WDR7: variants seen among roughly 807,000 people sequenced by gnomAD.
The protein encoded by WDR7 is WD repeat domain 7.
WDR7 carries 46 observed loss-of-function variants against 169.4 expected under a neutral mutation model. The observed-to-expected ratio is 0.27, with a 90% CI of 0.21 to 0.35. The LOEUF (loss-of-function observed/expected upper bound fraction) is 0.35. WDR7 is among the 10% of genes least tolerant of loss of function. The pLI is 1.00. For missense variants in WDR7, 1,534 were observed against 1,859.3 expected (o/e 0.83, Z 3.22); for synonymous variants, 612 against 666.8 (o/e 0.92, Z 1.27).
chr18:56,720,812 G>A (rs2026304973), intron 13 of WDR7, among the ~76,000 whole-genome samples: 1 of 151,986 alleles, frequency 6.6e-6, no homozygotes, highest in Admixed American at 6.6e-5. Flanking sequence ...AATACAGCAT[G>A]TAATATTGAA....
chr18:57,022,463 T>C (rs1480475703), intron 27 of WDR7, among the ~76,000 whole-genome samples: 2 of 152,186 alleles, frequency 1.3e-5, no homozygotes, highest in East Asian at 3.9e-4. Context: ...CTGTGTTCTG[T>C]CCAGGGTTTC....
At chr18:56,662,845 A>G (rs2024934570) in intron 1 of WDR7, among the ~76,000 whole-genome samples, 1 of 152,230 alleles carries the variant, frequency 6.6e-6, no homozygotes, top group South Asian at 2.1e-4. Flanking sequence ...GCTTCTTAAA[A>G]TTAGTATTAA....
At chr18:57,006,469 T>C (rs560160113) in intron 26 of WDR7, among the ~76,000 whole-genome samples, 16 of 152,312 alleles carry the variant, frequency 1.1e-4, no homozygotes, top group African/African-American at 3.6e-4. Flanking sequence ...AGTTTGATGG[T>C]CCAAATATTG....
chr18:56,923,055 A>G (rs1028663072), intron 21 of WDR7, among the ~76,000 whole-genome samples: 1 of 152,166 alleles, frequency 6.6e-6, no homozygotes, highest in African/African-American at 2.4e-5. Context: ...GTTCCTTTTA[A>G]TCAGTATACT....
intron 1 of WDR7, among the ~76,000 whole-genome samples, chr18:56,670,971 C>T (rs1475673958): frequency 4.6e-5 from 7 of 152,188 alleles, no homozygotes; most frequent in Non-Finnish European, 7.3e-5. Flanking sequence ...CTCCTGTTAT[C>T]TAGGTCTTTG....
chr18:56,718,771 G>A (rs927421306), intron 13 of WDR7, among the ~76,000 whole-genome samples: 3 of 152,070 alleles, frequency 2.0e-5, no homozygotes, highest in African/African-American at 4.8e-5. Context: ...TTTGAAACTC[G>A]TTGCTTTTTT....
chr18:56,903,431 T>G (rs1568257956), intron 21 of WDR7, among the ~76,000 whole-genome samples: 1 of 152,098 alleles, frequency 6.6e-6, no homozygotes. Context: ...ATTTATTTAT[T>G]TACTTTGAGA....
chr18:57,027,053 A>C lies in WDR7; in HGVS notation c.4319A>C (p.Gln1440Pro). 6.2e-7 allele frequency: 1 copy of C among 1,614,128 alleles called. No homozygotes were observed. The highest frequency in any genetic ancestry group is 1.1e-5 in the South Asian group (1 of 91,076). Residue 1440 changes from glutamine to proline, a missense_variant, in exon 28 of 28, where the codon CAG (glutamine) becomes CCG (proline). Transcript: ENST00000254442. ...GSIGMLNSAP[Q>P]LRCIKTYQVP... ...ATCGGCATGCTGAACTCGGCACCTC[A>C]GCTGCGCTGCATTAAAACCTACCAG...
intron 21 of WDR7, among the ~76,000 whole-genome samples, chr18:56,905,662 G>A (rs1339619863): frequency 1.4e-4 from 21 of 150,746 alleles, no homozygotes. Context: ...TTATACAGGT[G>A]CTAAAAGAAA....
chr18:56,759,005 T>C, intron 16 of WDR7, 52 bp downstream of exon 16: 1 of 1,433,658 alleles, frequency 7.0e-7, no homozygotes, highest in Non-Finnish European at 9.8e-7. Flanking sequence ...CTCTAGAAAC[T>C]GAGGAGGCAT....
At chr18:56,748,715 A>G (rs1361049845) in intron 14 of WDR7, among the ~76,000 whole-genome samples, 1 of 152,142 alleles carries the variant, frequency 6.6e-6, no homozygotes, top group African/African-American at 2.4e-5. Flanking sequence ...ATTCACACCT[A>G]CCCATGAAGT....
At chr18:56,881,005 A>G (rs2145483791) in intron 21 of WDR7, among the ~76,000 whole-genome samples, 1 of 152,364 alleles carries the variant, frequency 6.6e-6, no homozygotes, top group Admixed American at 6.5e-5. Context: ...GTAGAACAAA[A>G]TGCAATAGAT....
intron 20 of WDR7, among the ~76,000 whole-genome samples, chr18:56,840,960 C>CG (rs2045476249): frequency 1.3e-5 from 2 of 151,818 alleles, no homozygotes; most frequent in African/African-American, 4.8e-5. Context: ...GGGGCCAAGA[C>CG]AGGGGGGATC....
At chr18:56,819,205 GAC>G (rs1487815412) in intron 20 of WDR7, among the ~76,000 whole-genome samples, 1 of 152,126 alleles carries the variant, frequency 6.6e-6, no homozygotes, top group Non-Finnish European at 1.5e-5. Flanking sequence ...TCAAAGTAAA[GAC>G]ACATGGATTA....
chr18:56,825,540 A>G (rs542644182), intron 20 of WDR7, among the ~76,000 whole-genome samples: 1 of 152,234 alleles, frequency 6.6e-6, no homozygotes, highest in Non-Finnish European at 1.5e-5. Context: ...TACTTGCCAC[A>G]TAAAAGCCAC....
At chr18:56,689,194 A>G (rs73501769) in intron 7 of WDR7, among the ~76,000 whole-genome samples, 3,486 of 152,310 alleles carry the variant, frequency 0.023, 133 homozygotes, top group African/African-American at 0.078. Flanking sequence ...GAAGTTTTCA[A>G]TTGGGCTTAC....
chr18:56,940,979 AGG>A (rs1189755493), intron 25 of WDR7, among the ~76,000 whole-genome samples: 11 of 152,162 alleles, frequency 7.2e-5, no homozygotes, highest in African/African-American at 2.7e-4. Flanking sequence ...AATGCTAAGG[AGG>A]CGTGTGTCTT....
chr18:56,785,977 A>G (rs1379830772), intron 19 of WDR7, among the ~76,000 whole-genome samples: 2 of 152,038 alleles, frequency 1.3e-5, no homozygotes, highest in African/African-American at 4.8e-5. Context: ...TCAGGACAGG[A>G]GAGCATGAAA....
intron 18 of WDR7, 32 bp from the exon 19 acceptor site, chr18:56,781,494 ATCTGCTT>A: frequency 6.6e-7 from 1 of 1,523,266 alleles, no homozygotes; most frequent in South Asian, 1.3e-5. Context: ...TCCTCAACTA[ATCTGCTT>A]TCTGCTTTTA....
Sources: allele counts gnomAD v4.1 joint callset (sites outside exome capture counted in the v4.1 genomes callset), GRCh38; gene constraint gnomAD v4.1.1; transcripts MANE v1.5; gene names NCBI Gene and HGNC (gene_info 2026-07-23, HGNC 2026-07-21).